UNC13C: variants seen among roughly 807,000 people sequenced by gnomAD.
The protein encoded by UNC13C is unc-13 homolog C, also known as protein unc-13 homolog C.
UNC13C carries 174 observed loss-of-function variants against 245.4 expected under a neutral mutation model. The observed-to-expected ratio is 0.71, with a 90% CI of 0.63 to 0.80. The LOEUF is 0.80. UNC13C is among the 30% of genes least tolerant of loss of function. The pLI is 0.00. For synonymous variants in UNC13C, 992 were observed against 895.1 expected (o/e 1.11, Z -1.93); for missense variants, 2,829 against 2,602.9 (o/e 1.09, Z -1.89).
intron 4 of UNC13C, among the ~76,000 whole-genome samples, chr15:54,151,827 C>A (rs989209255): frequency 6.9e-6 from 1 of 144,076 alleles, no homozygotes; most frequent in Admixed American, 6.9e-5. Flanking sequence ...GGCGCTGGAG[C>A]GTTCCATAAT....
At position 53,985,357 on chromosome 15, in the gene UNC13C, T is replaced by A. The variant is rs567887260; in HGVS notation, c.-257+6430T>A. ...TTTTTTTTTTCTTGGTTCTTTTTTTTAAATTTTATTATTATTATACTTTAA... is the reference window on the plus strand; with the variant it reads ...TTTTTTTTTTCTTGGTTCTTTTTTTAAAATTTTATTATTATTATACTTTAA... On this transcript the variant is annotated intron_variant, in intron 1 of 32. Transcript: ENST00000260323. 7.9e-5 allele frequency among the ~76,000 whole-genome samples: 12 copies of A among 152,032 alleles called. No individual in the cohort carries two copies. In the East Asian group the frequency reaches 1.2e-3, roughly 15 times the overall value.
At chr15:54,405,394 C>T (rs2040270265) in intron 18 of UNC13C, among the ~76,000 whole-genome samples, 1 of 152,088 alleles carries the variant, frequency 6.6e-6, no homozygotes, top group South Asian at 2.1e-4. Context: ...AAGCCTCTAG[C>T]AAATATGCAG....
rs149764510 is a variant in UNC13C at position 54,375,497 on chromosome 15, A to G, written c.4714-17551A>G. 9.2e-5 allele frequency among the ~76,000 whole-genome samples: 14 copies of G among 152,338 alleles called. No individual in the cohort carries two copies. The East Asian group carries it at 2.5e-3, about 27-fold the overall frequency. On this transcript the variant is annotated intron_variant, in intron 17 of 32. Transcript: ENST00000260323. ...AAACAAAAACAACAAATATAAATTCACATTTAGATTATTTTGTATGTTAAA... is the reference window on the plus strand; with the variant it reads ...AAACAAAAACAACAAATATAAATTCGCATTTAGATTATTTTGTATGTTAAA...
In UNC13C at chr15:54,094,012, G is replaced by C. The variant is rs189608614; in HGVS notation, c.2984-49006G>C. Among the ~76,000 whole-genome samples the C allele has an allele frequency of 1.2e-3, 62 of 53,662 alleles. 1 individual carries two copies. Among genetic ancestry groups the C allele is most frequent in the Admixed American group, 6.9e-3 (43 of 6,258 alleles). 35.2% of individuals were successfully genotyped at this position (53,662 alleles called of 152,430 possible). A position where few individuals can be genotyped will look rare whatever the true frequency, so the allele number is the denominator to read the frequency against. On this transcript the variant is annotated intron_variant, in intron 2 of 32. Transcript: ENST00000260323. ...GAAACCTTTACTTCATTTCCAAGAA[G>C]GTGTGCATTGAAACCTTTACTTCAT... is the stretch of plus-strand genomic sequence containing the variant.
At chr15:53,966,618 G>A in the UNC13C span, among the ~76,000 whole-genome samples, 1 of 151,922 alleles carries the variant, frequency 6.6e-6, no homozygotes, top group East Asian at 1.9e-4. Flanking sequence ...AAATTCTGAA[G>A]ACAGTTTATT....
At chr15:53,918,304 C>T in the UNC13C span, among the ~76,000 whole-genome samples, 147 of 151,370 alleles carry the variant, frequency 9.7e-4, 2 homozygotes, top group African/African-American at 3.4e-3. Flanking sequence ...GGTATTTGGC[C>T]TCGAGCCCAG....
chr15:54,552,109 G>A (rs1346629092), intron 28 of UNC13C, among the ~76,000 whole-genome samples: 3 of 149,878 alleles, frequency 2.0e-5, no homozygotes, highest in Non-Finnish European at 4.4e-5. Flanking sequence ...ATGAAACAAT[G>A]TGGGGAACTA....
At chr15:54,317,938 C>T (rs900271355) in intron 13 of UNC13C, among the ~76,000 whole-genome samples, 4 of 151,884 alleles carry the variant, frequency 2.6e-5, no homozygotes, top group Non-Finnish European at 5.9e-5. Flanking sequence ...CAACTCTCTA[C>T]TTCTCTGACT....
rs746461123 is a variant in UNC13C, at chr15:54,182,002, T to G, written c.3071+38318T>G. 1.4e-4 allele frequency among the ~76,000 whole-genome samples: 21 copies of G among 151,952 alleles called. 2 individuals are homozygous for G. Among genetic ancestry groups the G allele is most frequent in the Non-Finnish European group, 2.1e-4 (14 of 67,934 alleles). On this transcript the variant is annotated intron_variant, in intron 4 of 32. Coordinates refer to ENST00000260323, the MANE Select transcript of UNC13C (RefSeq NM_001080534.3). ...TGAAGAGAGATAGTTTGAGTTCTTC[T>G]TTGCCTATTTTATTGCCTTTTATTT...
At chr15:54,529,215 C>T (rs1164221183) in intron 25 of UNC13C, among the ~76,000 whole-genome samples, 1 of 152,118 alleles carries the variant, frequency 6.6e-6, no homozygotes, top group African/African-American at 2.4e-5. Context: ...CAGATCAAAC[C>T]TGATGGTAGA....
At chr15:54,044,377 G>A (rs781172116) in intron 2 of UNC13C, 12 of 264,944 alleles carry the variant, frequency 4.5e-5, no homozygotes, top group Middle Eastern at 4.4e-4. Context: ...TTGTGAATGC[G>A]GCTATGAATA....
the UNC13C span, among the ~76,000 whole-genome samples, chr15:53,873,396 A>G: frequency 2.0e-5 from 3 of 152,200 alleles, no homozygotes; most frequent in South Asian, 6.2e-4. Flanking sequence ...TGTTGCTCGC[A>G]AGATCGCTCA....
At chr15:54,033,311 G>A (rs937694756) in intron 2 of UNC13C, among the ~76,000 whole-genome samples, 2 of 152,054 alleles carry the variant, frequency 1.3e-5, no homozygotes, top group Non-Finnish European at 2.9e-5. Flanking sequence ...AACATAAAGT[G>A]TTCACACATT....
chr15:54,039,458 A>G (rs1896722751), intron 2 of UNC13C, among the ~76,000 whole-genome samples: 1 of 152,178 alleles, frequency 6.6e-6, no homozygotes, highest in Admixed American at 6.5e-5. Flanking sequence ...AGATGACACT[A>G]AAGTCAAGCT....
At chr15:54,448,547 T>C (rs1890966480) in intron 19 of UNC13C, among the ~76,000 whole-genome samples, 1 of 152,314 alleles carries the variant, frequency 6.6e-6, no homozygotes, top group Non-Finnish European at 1.5e-5. Flanking sequence ...TTTGTCGCTT[T>C]TGATCTTTGT....
intron 19 of UNC13C, among the ~76,000 whole-genome samples, chr15:54,420,522 G>A (rs538194814): frequency 3.3e-5 from 5 of 151,966 alleles, no homozygotes; most frequent in South Asian, 2.1e-4. Flanking sequence ...GCGAGGTGAT[G>A]AACTCTAAGA....
intron 17 of UNC13C, among the ~76,000 whole-genome samples, chr15:54,339,640 GATAT>G (rs61353129): frequency 0.52 from 77,616 of 149,592 alleles, 20,214 homozygotes; most frequent in East Asian, 0.71. Context: ...ATTATGTGGA[GATAT>G]ATATATATAT....
intron 18 of UNC13C, among the ~76,000 whole-genome samples, chr15:54,412,217 A>G (rs1384801473): frequency 6.6e-6 from 1 of 151,926 alleles, no homozygotes; most frequent in Admixed American, 6.6e-5. Flanking sequence ...AAAAAAAAAC[A>G]AAAAAAGTGC....
chr15:53,920,115 T>TTATCA, the UNC13C span, among the ~76,000 whole-genome samples: 2 of 152,206 alleles, frequency 1.3e-5, no homozygotes, highest in East Asian at 3.8e-4. Context: ...CATTTCAATG[T>TTATCA]ATAGATAACA....
Sources: gnomAD v4.1 joint callset for allele counts (sites outside exome capture counted in the v4.1 genomes callset) on GRCh38, gnomAD v4.1.1 for gene constraint, MANE v1.5 for transcripts, NCBI Gene and HGNC (gene_info 2026-07-23, HGNC 2026-07-21) for gene names.